EPHA7: variants seen among roughly 807,000 people sequenced by gnomAD.
The protein encoded by EPHA7 is EPH receptor A7, also known as ephrin type-A receptor 7.
Under a neutral mutation model 112.6 loss-of-function variants are expected in EPHA7, and 25 were observed. That is an observed-to-expected ratio of 0.22 (90% CI 0.16 to 0.31). EPHA7 has a LOEUF of 0.31. Among genes scored for constraint, EPHA7 ranks in the 10% least tolerant of loss-of-function variants. EPHA7 has a pLI of 1.00. For synonymous variants in EPHA7, 437 were observed against 406.5 expected, an observed-to-expected ratio of 1.07 and a Z score of -0.90; for missense variants, 962 against 1,212.6, an observed-to-expected ratio of 0.79 and a Z score of 3.07.
chr6:93,246,711 T>G, intron 15 of EPHA7, 81 bp downstream of exon 15: 1 of 1,186,270 alleles, frequency 8.4e-7, no homozygotes, highest in Non-Finnish European at 1.2e-6. Context: ...CAATTTGCCA[T>G]TGTGGTGGGG....
chr6:93,378,510 A>G (rs549237396), intron 3 of EPHA7, among the ~76,000 whole-genome samples: 1 of 152,228 alleles, frequency 6.6e-6, no homozygotes, highest in African/African-American at 2.4e-5. Flanking sequence ...AATCTTTGAG[A>G]AGGGAAATCA....
chr6:93,247,054 T>C (rs1043044908), intron 14 of EPHA7, 69 bp from the exon 15 acceptor site: 10 of 1,311,330 alleles, frequency 7.6e-6, no homozygotes, highest in Non-Finnish European at 1.0e-5. Flanking sequence ...AATTTCCTGG[T>C]AGGCAAAATG....
chr6:93,252,174 T>C (rs404201), intron 14 of EPHA7, among the ~76,000 whole-genome samples: 98,198 of 151,692 alleles, frequency 0.65, 32,844 homozygotes, highest in South Asian at 0.83. Flanking sequence ...AAAACCTCAC[T>C]TTATCCAGCA....
intron 5 of EPHA7, among the ~76,000 whole-genome samples, chr6:93,292,282 T>C (rs1772419702): frequency 6.6e-6 from 1 of 152,186 alleles, no homozygotes; most frequent in Non-Finnish European, 1.5e-5. Context: ...TGCATATCAA[T>C]AGGGAACATG....
chr6:93,265,545 A>C (rs1415149373), intron 7 of EPHA7, among the ~76,000 whole-genome samples: 1 of 151,692 alleles, frequency 6.6e-6, no homozygotes, highest in African/African-American at 2.4e-5. Flanking sequence ...AAACTAGTGA[A>C]GTTTTATTTA....
At chr6:93,370,495 T>C (rs1776735555) in intron 3 of EPHA7, among the ~76,000 whole-genome samples, 1 of 152,198 alleles carries the variant, frequency 6.6e-6, no homozygotes, top group East Asian at 1.9e-4. Context: ...GAAATATCAC[T>C]GATTCTTATG....
At chr6:93,388,527 G>A (rs972724808) in intron 3 of EPHA7, among the ~76,000 whole-genome samples, 2 of 152,094 alleles carry the variant, frequency 1.3e-5, no homozygotes, top group African/African-American at 2.4e-5. Flanking sequence ...AGGGTGCTAT[G>A]TGAAGGATAT....
intron 3 of EPHA7, among the ~76,000 whole-genome samples, chr6:93,360,875 T>G (rs1400526014): frequency 6.6e-6 from 1 of 152,116 alleles, no homozygotes; most frequent in African/African-American, 2.4e-5. Context: ...CCTTATGCTA[T>G]TCTACCATCA....
intron 3 of EPHA7, among the ~76,000 whole-genome samples, chr6:93,379,303 T>G (rs926940632): frequency 6.6e-6 from 1 of 152,096 alleles, no homozygotes; most frequent in Non-Finnish European, 1.5e-5. Flanking sequence ...TCCATTTAAT[T>G]AAATTTGACA....
At chr6:93,359,945 G>A (rs1415821528) in intron 3 of EPHA7, among the ~76,000 whole-genome samples, 1 of 149,680 alleles carries the variant, frequency 6.7e-6, no homozygotes, top group African/African-American at 2.5e-5. Context: ...ATTTATACAG[G>A]GCTACAACCA....
chr6:93,337,912 C>G (rs1426531565), intron 5 of EPHA7, among the ~76,000 whole-genome samples: 1 of 151,800 alleles, frequency 6.6e-6, no homozygotes, highest in African/African-American at 2.4e-5. Flanking sequence ...AGTTCCTTAC[C>G]ACCAAAACAA....
At chr6:93,374,259 T>C (rs1447071068) in intron 3 of EPHA7, among the ~76,000 whole-genome samples, 1 of 152,136 alleles carries the variant, frequency 6.6e-6, no homozygotes, top group Non-Finnish European at 1.5e-5. Flanking sequence ...GTTAGGTAAT[T>C]GAGTCCCTCA....
chr6:93,358,222 T>G, intron 4 of EPHA7, 34 bp downstream of exon 4: 1 of 1,545,712 alleles, frequency 6.5e-7, no homozygotes, highest in East Asian at 2.3e-5. Flanking sequence ...GTGGAAGGGA[T>G]TGGAAAGTCC....
intron 1 of EPHA7, among the ~76,000 whole-genome samples, chr6:93,415,044 T>C (rs1779159175): frequency 1.3e-5 from 2 of 152,026 alleles, no homozygotes; most frequent in Non-Finnish European, 2.9e-5. Flanking sequence ...AGAAATTTTA[T>C]ATGTGATACA....
At chr6:93,311,179 G>C (rs1773523050) in intron 5 of EPHA7, among the ~76,000 whole-genome samples, 1 of 134,066 alleles carries the variant, frequency 7.5e-6, no homozygotes, top group African/African-American at 2.9e-5. Context: ...ACTCAGGTTG[G>C]TCTTGAACTC....
chr6:93,288,020 GT>G (rs759595388), intron 5 of EPHA7, among the ~76,000 whole-genome samples: 5 of 152,042 alleles, frequency 3.3e-5, no homozygotes, highest in African/African-American at 7.2e-5. Context: ...TGTAAAAGCA[GT>G]TTTTTTTAAA....
chr6:93,401,828 T>C (rs1778450235), intron 3 of EPHA7, among the ~76,000 whole-genome samples: 2 of 152,062 alleles, frequency 1.3e-5, no homozygotes, highest in East Asian at 1.9e-4. Context: ...GAGAAAAATA[T>C]CAAATATATA....
At chr6:93,355,400 T>C (rs1021446723) in intron 5 of EPHA7, among the ~76,000 whole-genome samples, 2 of 152,120 alleles carry the variant, frequency 1.3e-5, no homozygotes, top group African/African-American at 4.8e-5. Context: ...TAGGTAACAG[T>C]TGGTTAAAAT....
At chr6:93,286,917 A>G (rs380782) in intron 5 of EPHA7, among the ~76,000 whole-genome samples, 107,305 of 151,984 alleles carry the variant, frequency 0.71, 38,002 homozygotes, top group South Asian at 0.83. Flanking sequence ...TAGATGGCAT[A>G]TATAATATGT....
Sources: gnomAD v4.1 joint callset for allele counts (sites outside exome capture counted in the v4.1 genomes callset) on GRCh38, gnomAD v4.1.1 for gene constraint, MANE v1.5 for transcripts, NCBI Gene and HGNC (gene_info 2026-07-23, HGNC 2026-07-21) for gene names.